Variants in ZBED6 observed in about 807,000 individuals in gnomAD.
The protein encoded by ZBED6 is zinc finger BED domain-containing protein 6.
In ZBED6, 40 loss-of-function variants were observed where a neutral mutation model predicts 58.4. The ratio of observed to expected loss-of-function variants is 0.68; its 90% confidence interval spans 0.53 to 0.89. The LOEUF (loss-of-function observed/expected upper bound fraction) is 0.89, where lower values mean the gene tolerates loss of function less well. ZBED6 is among the 40% of genes least tolerant of loss of function. The probability of loss-of-function intolerance (pLI) is 0.00; values close to 1 mark genes in which losing one functional copy is unlikely to be tolerated. For synonymous variants in ZBED6, 439 were observed against 350.6 expected, an observed-to-expected ratio of 1.25 and a Z score of -2.82; for missense variants, 1,057 against 1,003.9, an observed-to-expected ratio of 1.05 and a Z score of -0.71.
At chr1:203,818,924 C>G (rs1055220917) in intron 3 of ZBED6, among the ~76,000 whole-genome samples, 4 of 151,648 alleles carry the variant, frequency 2.6e-5, no homozygotes, top group Non-Finnish European at 5.9e-5. Context: ...AAAAAATTAG[C>G]TCAGTGTGGT....
In ZBED6 at chr1:203,798,041, A is replaced by G. The variant is rs567867620; in HGVS notation, c.519A>G (p.Gln173=). The G allele has an allele frequency of 4.6e-5, 71 of 1,535,330 alleles. 1 individual carries two copies. The African/African-American group carries it at 6.2e-4, about 13-fold the overall frequency. Residue 173 remains glutamine (Q), a synonymous_variant, in exon 1 of 17, where the codon CAA becomes CAG. Transcript: ENST00000550078. The stretch of plus-strand genomic sequence containing the variant: ...GCCATCTTGGTACATCTACTCTTCA[A>G]CGACATCTGCAAGCAAGGCATTCAC...
exon 1 of ZBED6, chr1:203,800,710 T>TA (rs574611660): frequency 1.9e-4 from 60 of 320,122 alleles, no homozygotes; most frequent in Admixed American, 1.2e-3. Flanking sequence ...TATTTTTAAT[T>TA]AAAAAAAATA....
intron 1 of ZBED6, among the ~76,000 whole-genome samples, chr1:203,810,128 T>G (rs1417798366): frequency 1.3e-5 from 2 of 151,290 alleles, no homozygotes; most frequent in African/African-American, 2.4e-5. Flanking sequence ...TGGAGTGGTG[T>G]TTTTTTTGTT....
At chr1:203,812,642 C>G (rs1674913093) in intron 1 of ZBED6, among the ~76,000 whole-genome samples, 1 of 136,282 alleles carries the variant, frequency 7.3e-6, no homozygotes, top group Non-Finnish European at 1.5e-5. Flanking sequence ...AGTATAGTGG[C>G]ATGATCTCGG....
At chr1:203,806,325 G>A (rs1010479908) in intron 1 of ZBED6, 13 of 231,826 alleles carry the variant, frequency 5.6e-5, no homozygotes, top group Admixed American at 2.2e-4. Context: ...TTTTTGAGAC[G>A]GAGTCTCGCT....
At chr1:203,843,711 G>T (rs1449984962) in intron 11 of ZBED6, among the ~76,000 whole-genome samples, 3 of 152,108 alleles carry the variant, frequency 2.0e-5, no homozygotes. Context: ...TATATAGTTT[G>T]CCTATGCCTT....
intron 14 of ZBED6, 73 bp from the exon 15 acceptor site, chr1:203,850,442 T>G: frequency 6.3e-7 from 1 of 1,579,570 alleles, no homozygotes; most frequent in Non-Finnish European, 8.7e-7. Context: ...AGTTTTGATA[T>G]TTTATTCTGA....
At chr1:203,834,262 GTGCT>G (rs1233900452) in intron 9 of ZBED6, among the ~76,000 whole-genome samples, 1 of 152,046 alleles carries the variant, frequency 6.6e-6, no homozygotes, top group Non-Finnish European at 1.5e-5. Flanking sequence ...GAGTCTATTG[GTGCT>G]TGCTTATTTA....
chr1:203,830,129 G>T, exon 7 of ZBED6: 1 of 1,592,064 alleles, frequency 6.3e-7, no homozygotes, highest in African/African-American at 1.4e-5. Context: ...TCAGGTGAAT[G>T]TTTGAATTTT....
chr1:203,796,619 T>C (rs928135581), exon 1 of ZBED6: 2 of 396,086 alleles, frequency 5.0e-6, no homozygotes, highest in African/African-American at 4.1e-5. Context: ...TATGTAGGTA[T>C]TGGGGGAAGG....
At chr1:203,831,260 CCTT>C (rs1333088127) in intron 7 of ZBED6, among the ~76,000 whole-genome samples, 3 of 151,938 alleles carry the variant, frequency 2.0e-5, no homozygotes, top group South Asian at 2.1e-4. Context: ...GTTCTAAAAA[CCTT>C]CTTTTAAGGC....
intron 11 of ZBED6, 31 bp downstream of exon 11, chr1:203,840,405 A>T (rs760657508): frequency 1.4e-5 from 22 of 1,595,050 alleles, no homozygotes; most frequent in Middle Eastern, 3.3e-4. Context: ...GATTCTGATT[A>T]TTTTTTTCTT....
At chr1:203,823,454 G>T (rs12403365) in intron 3 of ZBED6, among the ~76,000 whole-genome samples, 19,129 of 152,176 alleles carry the variant, frequency 0.13, 1,578 homozygotes, top group East Asian at 0.29. Context: ...TACCAAACAT[G>T]TACCCAAATT....
chr1:203,800,094 T>C (rs1447439509), exon 1 of ZBED6: 4 of 1,536,124 alleles, frequency 2.6e-6, no homozygotes, highest in Non-Finnish European at 3.5e-6. Context: ...AAGCAAAAGC[T>C]TCATGTTCCC....
At chr1:203,850,569 A>C (rs1376879565) in exon 15 of ZBED6, 1 of 1,613,944 alleles carries the variant, frequency 6.2e-7, no homozygotes, top group East Asian at 2.2e-5. Context: ...TCATCCCCCA[A>C]ATTGGCCCCA....
At chr1:203,820,466 T>TTGTGTGTGTGTG (rs144962991) in intron 3 of ZBED6, among the ~76,000 whole-genome samples, 2,094 of 136,440 alleles carry the variant, frequency 0.015, 61 homozygotes, top group East Asian at 0.099. Context: ...ATATCACAAA[T>TTGTGTGTGTGTG]TATGTGTGTG....
At chr1:203,836,372 C>G (rs1469471737) in intron 9 of ZBED6, among the ~76,000 whole-genome samples, 1 of 152,100 alleles carries the variant, frequency 6.6e-6, no homozygotes, top group South Asian at 2.1e-4. Flanking sequence ...TGATACCTTG[C>G]AAACAATGTA....
In ZBED6 at chr1:203,817,219, A is replaced by G. The variant is rs1002458092; in HGVS notation, c.*2753+95A>G. 1.4e-5 allele frequency: 15 copies of G among 1,054,794 alleles called. No individual in the cohort carries two copies. The African/African-American group carries it at 2.0e-4, about 14-fold the overall frequency. 65.3% of individuals were successfully genotyped at this position (1,054,794 alleles called of 1,614,324 possible). ...ACATTTTAAGTTGTTTTTATTATAT[A>G]TATATTTTTTGCCCAACTTTATTAT... On this transcript the variant is annotated intron_variant, in intron 2 of 16. Coordinates refer to ENST00000550078, the Ensembl canonical transcript of ZBED6.
chr1:203,840,994 G>A (rs1207719248), intron 11 of ZBED6, among the ~76,000 whole-genome samples: 4 of 152,086 alleles, frequency 2.6e-5, no homozygotes, highest in African/African-American at 9.7e-5. Context: ...ATAAAATTAT[G>A]ATAGTTATGT....
Sources: gnomAD v4.1 joint callset for allele counts (sites outside exome capture counted in the v4.1 genomes callset) on GRCh38, gnomAD v4.1.1 for gene constraint, MANE v1.5 for transcripts, NCBI Gene and HGNC (gene_info 2026-07-23, HGNC 2026-07-21) for gene names.